IL1RAP: variants seen among roughly 807,000 people sequenced by gnomAD.
IL1RAP encodes the protein interleukin-1 receptor accessory protein.
A neutral mutation model predicts 60.7 loss-of-function variants in IL1RAP; 35 were observed. That is an observed-to-expected ratio of 0.58 (90% CI 0.44 to 0.76). The LOEUF is 0.76. IL1RAP is among the 30% of genes least tolerant of loss of function. IL1RAP has a pLI of 0.00. For missense variants in IL1RAP, 572 were observed against 693.9 expected (o/e 0.82, Z 1.97); for synonymous variants, 268 against 250.9 (o/e 1.07, Z -0.64).
chr3:190,565,015 A>T (rs1490426969), intron 3 of IL1RAP, among the ~76,000 whole-genome samples: 2 of 152,172 alleles, frequency 1.3e-5, no homozygotes, highest in Non-Finnish European at 2.9e-5. Context: ...ATCTCTGACT[A>T]TTAATCATTA....
intron 1 of IL1RAP, chr3:190,516,340 G>T (rs147314762): frequency 6.6e-6 from 1 of 152,284 alleles, no homozygotes; most frequent in Non-Finnish European, 1.5e-5. Context: ...TGAGAGACAG[G>T]GGCCTTGTGG....
intron 6 of IL1RAP, among the ~76,000 whole-genome samples, chr3:190,621,043 C>T (rs1397335112): frequency 1.3e-5 from 2 of 152,212 alleles, no homozygotes; most frequent in Non-Finnish European, 2.9e-5. Flanking sequence ...AGTTGACAAA[C>T]TCCTAGCAAA....
In IL1RAP at chr3:190,651,200, G is replaced by A; in HGVS notation, c.*2495G>A. 11 of 981,272 alleles carry A rather than the reference G, an allele frequency of 1.1e-5. No homozygotes were observed. The highest frequency in any genetic ancestry group is 1.3e-5 in the Non-Finnish European group (11 of 826,254). The allele number at this position is 981,272 out of a possible 1,614,324, so 60.8% of individuals were successfully genotyped here. Reference sequence around the variant, plus strand: ...AAAAAATTAATGGTTTTAAATATATGCTATAGGGACGTTCCATGCCCAGGT... The same window carrying A: ...AAAAAATTAATGGTTTTAAATATATACTATAGGGACGTTCCATGCCCAGGT... On this transcript the variant is annotated 3_prime_UTR_variant, in exon 12 of 12. Transcript: ENST00000447382.
chr3:190,610,826 T>C (rs747095611), intron 5 of IL1RAP, among the ~76,000 whole-genome samples: 21 of 152,210 alleles, frequency 1.4e-4, no homozygotes, highest in African/African-American at 5.1e-4. Flanking sequence ...GGGAGTCAAC[T>C]TGAAGAGTCT....
At chr3:190,539,864 C>T (rs1035899213) in intron 1 of IL1RAP, among the ~76,000 whole-genome samples, 11 of 151,852 alleles carry the variant, frequency 7.2e-5, no homozygotes, top group South Asian at 2.1e-4. Flanking sequence ...ATGTAATGCC[C>T]GTTACATCCA....
At chr3:190,632,827 T>G (rs1732901842) in intron 9 of IL1RAP, among the ~76,000 whole-genome samples, 2 of 152,306 alleles carry the variant, frequency 1.3e-5, no homozygotes, top group South Asian at 2.1e-4. Flanking sequence ...TAACCAGTTG[T>G]TCTCATATCA....
chr3:190,614,366 T>C (rs1229267048), intron 5 of IL1RAP, among the ~76,000 whole-genome samples: 1 of 151,998 alleles, frequency 6.6e-6, no homozygotes, highest in Non-Finnish European at 1.5e-5. Context: ...ATTTCTTACA[T>C]TTCAGTAATC....
intron 4 of IL1RAP, among the ~76,000 whole-genome samples, chr3:190,605,490 C>T (rs73060200): frequency 0.076 from 11,533 of 152,156 alleles, 821 homozygotes; most frequent in African/African-American, 0.19. Context: ...AACTCCCATC[C>T]GGGTTATTTT....
intron 1 of IL1RAP, among the ~76,000 whole-genome samples, chr3:190,553,985 C>T (rs909396173): frequency 2.9e-5 from 4 of 140,312 alleles, no homozygotes; most frequent in African/African-American, 5.3e-5. Context: ...GGCGTGAACC[C>T]GGGAGGCGGA....
intron 3 of IL1RAP, among the ~76,000 whole-genome samples, chr3:190,589,742 G>T (rs9835874): frequency 0.17 from 26,169 of 152,178 alleles, 2,418 homozygotes; most frequent in African/African-American, 0.23. Context: ...GTACTTTTAT[G>T]GAATGAGTCT....
In IL1RAP at chr3:190,600,747, C is replaced by A. The variant is rs1577697827; in HGVS notation, c.65-3381C>A. 3.3e-5 allele frequency among the ~76,000 whole-genome samples: 5 copies of A among 152,148 alleles called. No homozygotes were observed. In the South Asian group the frequency reaches 1.0e-3, roughly 32 times the overall value. On this transcript the variant is annotated intron_variant, in intron 3 of 11. Transcript: ENST00000447382. ...TACAATCTTATACTCGGAGGAGAAC[C>A]CATAAATAGTGGGTGAACAGCACTA...
At chr3:190,540,251 C>T (rs939502081) in intron 1 of IL1RAP, among the ~76,000 whole-genome samples, 4 of 151,924 alleles carry the variant, frequency 2.6e-5, no homozygotes, top group South Asian at 2.1e-4. Flanking sequence ...TTCTCTCTTC[C>T]GTCCTCTCTG....
intron 1 of IL1RAP, among the ~76,000 whole-genome samples, chr3:190,515,375 T>C (rs933188633): frequency 1.3e-5 from 2 of 152,174 alleles, no homozygotes; most frequent in African/African-American, 2.4e-5. Context: ...TCAAAACCAA[T>C]GGCAACTATT....
At chr3:190,561,062 C>A (rs1725844484) in intron 2 of IL1RAP, among the ~76,000 whole-genome samples, 1 of 152,122 alleles carries the variant, frequency 6.6e-6, no homozygotes, top group African/African-American at 2.4e-5. Context: ...GAAGCAACAG[C>A]AGGGTCTGTT....
At chr3:190,536,253 A>C (rs1318885159) in intron 1 of IL1RAP, among the ~76,000 whole-genome samples, 1 of 152,188 alleles carries the variant, frequency 6.6e-6, no homozygotes, top group Non-Finnish European at 1.5e-5. Flanking sequence ...TTGTTATCTG[A>C]AGATCTGTAC....
intron 1 of IL1RAP, among the ~76,000 whole-genome samples, chr3:190,529,409 C>T (rs188977770): frequency 1.3e-5 from 2 of 151,994 alleles, no homozygotes; most frequent in African/African-American, 2.4e-5. Context: ...CAAAAATGGC[C>T]GGGCGTGGTG....
intron 6 of IL1RAP, 85 bp from the exon 7 acceptor site, chr3:190,623,259 T>G: frequency 1.0e-6 from 1 of 989,706 alleles, no homozygotes. Flanking sequence ...TGCCAGGAAG[T>G]TAGGCAAGAT....
chr3:190,615,581 GA>G (rs878924834), intron 5 of IL1RAP, among the ~76,000 whole-genome samples: 1 of 152,288 alleles, frequency 6.6e-6, no homozygotes, highest in South Asian at 2.1e-4. Flanking sequence ...GACAGCTGCT[GA>G]ACTACTCTCA....
chr3:190,527,729 T>C (rs913059574), intron 1 of IL1RAP, among the ~76,000 whole-genome samples: 3 of 150,794 alleles, frequency 2.0e-5, no homozygotes, highest in Non-Finnish European at 2.9e-5. Context: ...ATGGGATGTT[T>C]AAAAGGTGTA....
Sources: allele counts gnomAD v4.1 joint callset (sites outside exome capture counted in the v4.1 genomes callset), GRCh38; gene constraint gnomAD v4.1.1; transcripts MANE v1.5; gene names NCBI Gene and HGNC (gene_info 2026-07-23, HGNC 2026-07-21).